GTPBP4: variants seen among roughly 807,000 people sequenced by gnomAD.
GTPBP4 encodes GTP-binding protein 4.
A neutral mutation model predicts 81.7 loss-of-function variants in GTPBP4; 15 were observed. That is an observed-to-expected ratio of 0.18 (90% CI 0.12 to 0.28). The LOEUF (loss-of-function observed/expected upper bound fraction) is 0.28, where lower values mean the gene tolerates loss of function less well. Ranked by LOEUF, GTPBP4 falls within the 10% of genes least tolerant of loss-of-function variation. The pLI is 1.00. For synonymous variants in GTPBP4, 272 were observed against 274.6 expected, an observed-to-expected ratio of 0.99 and a Z score of 0.09; for missense variants, 847 against 793.8, an observed-to-expected ratio of 1.07 and a Z score of -0.81.
At chr10:1,011,488 A>AGCTCTCTGGG (rs1306519107) in intron 13 of GTPBP4, among the ~76,000 whole-genome samples, 3 of 150,564 alleles carry the variant, frequency 2.0e-5, no homozygotes, top group East Asian at 1.9e-4. Context: ...AGCTCTCTGG[A>AGCTCTCTGGG]ACATGCTTTT....
chr10:1,012,407 A>G (rs1589031634), intron 13 of GTPBP4, 58 bp from the exon 14 acceptor site: 1 of 1,207,300 alleles, frequency 8.3e-7, no homozygotes, highest in East Asian at 2.4e-5. Flanking sequence ...TGCCACACTC[A>G]CTGACTCAGG....
At chr10:1,002,865 A>C (rs1241671607) in intron 8 of GTPBP4, among the ~76,000 whole-genome samples, 1 of 152,132 alleles carries the variant, frequency 6.6e-6, no homozygotes, top group Non-Finnish European at 1.5e-5. Context: ...GACTTTTGAC[A>C]GTTTGACTAT....
At chr10:1,012,258 G>A in intron 13 of GTPBP4, 1 of 410,350 alleles carries the variant, frequency 2.4e-6, no homozygotes. Context: ...CTTGCTGGCG[G>A]CTGGCGTTCA....
rs533828841 is a variant in GTPBP4, at chr10:1,010,841, C to T, written c.1344+321C>T. On this transcript the variant is annotated intron_variant, in intron 13 of 16. Transcript: ENST00000360803. ...TGCCTCCTGCACCTCTTCCCTGTCCCGACACTGGTGGAGATGCTGGGCCCC... is the reference window on the plus strand; with the variant it reads ...TGCCTCCTGCACCTCTTCCCTGTCCTGACACTGGTGGAGATGCTGGGCCCC... Among the ~76,000 whole-genome samples, 380 of 45,148 alleles carry T rather than the reference C, an allele frequency of 8.4e-3. 21 individuals are homozygous for T. Among genetic ancestry groups the T allele is most frequent in the African/African-American group, 0.035 (359 of 10,246 alleles). The allele number at this position is 45,148 out of a possible 152,430, so 29.6% of individuals were successfully genotyped here.
rs200647626 is a variant in GTPBP4, at chr10:1,005,823, A to G, written c.918A>G (p.Ile306Met). ...IAELSEDDQK[I>M]FTDLQSEGFP... is the part of the protein sequence containing the mutation. ...TTTTTTCTTTGCATTCCCAGAAAAT[A>G]TTTACAGATTTGCAGTCTGAAGGAT... Residue 306 changes from isoleucine to methionine, a missense_variant, in exon 9 of 17, where the codon ATA (isoleucine) becomes ATG (methionine). Ile to Met is a conservative substitution (Grantham distance 10). Transcript: ENST00000360803. 166 of 1,572,188 alleles carry G rather than the reference A, an allele frequency of 1.1e-4. No homozygotes were observed. Among genetic ancestry groups the G allele is most frequent in the Admixed American group, 1.0e-4 (6 of 59,886 alleles).
chr10:999,546 A>G (rs575609255), intron 6 of GTPBP4, among the ~76,000 whole-genome samples: 4 of 152,378 alleles, frequency 2.6e-5, no homozygotes, highest in African/African-American at 9.6e-5. Flanking sequence ...TGTCTCTGAT[A>G]TAATTCAGGG....
intron 1 of GTPBP4, among the ~76,000 whole-genome samples, chr10:989,142 CAT>C (rs1349767977): frequency 1.0e-5 from 1 of 96,468 alleles, no homozygotes; most frequent in East Asian, 3.2e-4. Flanking sequence ...TTTTTTGAGA[CAT>C]AGTTTTTCGC....
intron 16 of GTPBP4, among the ~76,000 whole-genome samples, 190 bp downstream of exon 16, chr10:1,016,086 C>T (rs911536389): frequency 1.5e-4 from 23 of 152,208 alleles, no homozygotes; most frequent in African/African-American, 5.3e-4. Flanking sequence ...CCCCTGACAG[C>T]TGCCCTGGAT....
intron 1 of GTPBP4, among the ~76,000 whole-genome samples, chr10:990,550 G>A (rs538332500): frequency 3.4e-4 from 52 of 151,544 alleles, no homozygotes; most frequent in Non-Finnish European, 6.6e-4. Context: ...GTGAAACCCC[G>A]TCTCTACTAA....
At position 1,019,799 on chromosome 10, in the gene GTPBP4, A is replaced by G; in HGVS notation, c.*2572A>G. 6.2e-7 allele frequency: 1 copy of G among 1,614,078 alleles called. No homozygotes were observed. The highest frequency in any genetic ancestry group is 8.5e-7 in the Non-Finnish European group (1 of 1,179,978). On this transcript the variant is annotated 3_prime_UTR_variant, in exon 17 of 17. Coordinates refer to ENST00000360803, the MANE Select transcript of GTPBP4 (RefSeq NM_012341.3). The stretch of plus-strand genomic sequence containing the variant: ...TTCTGTCTGATTTTGCCTTGTGGTG[A>G]TAGATTGTCATGAACACAATGTCCT...
chr10:1,010,452 C>T lies in GTPBP4; in HGVS notation c.1276C>T (p.His426Tyr). ...YWDLMNLSEK[H>Y]DKIPEIWEGH... ...GGATTTAATGAATTTGTCTGAAAAACATGATAAGATACCAGAAATCTGGGA... is the reference window on the plus strand; with the variant it reads ...GGATTTAATGAATTTGTCTGAAAAATATGATAAGATACCAGAAATCTGGGA... Residue 426 changes from histidine to tyrosine, a missense_variant, in exon 13 of 17, where the codon CAT (histidine) becomes TAT (tyrosine). Coordinates refer to ENST00000360803, the MANE Select transcript of GTPBP4 (RefSeq NM_012341.3). 1.3e-6 allele frequency: 2 copies of T among 1,579,188 alleles called. No homozygotes were observed. The highest frequency in any genetic ancestry group is 2.2e-5 in the East Asian group (1 of 44,726).
At chr10:1,010,122 C>CA (rs1589030078) in intron 12 of GTPBP4, among the ~76,000 whole-genome samples, 1 of 124,974 alleles carries the variant, frequency 8.0e-6, no homozygotes, top group African/African-American at 2.6e-5. Flanking sequence ...TGTGTTGTTT[C>CA]CTGTTGTTTT....
intron 1 of GTPBP4, among the ~76,000 whole-genome samples, chr10:991,689 C>CTTTTTTTTTTTTTT: frequency 1.3e-5 from 1 of 74,818 alleles, no homozygotes; most frequent in Non-Finnish European, 2.4e-5. Flanking sequence ...TAAAATTTAT[C>CTTTTTTTTTTTTTT]TTTTTTTTTT....
intron 5 of GTPBP4, 102 bp from the exon 6 acceptor site, chr10:998,901 T>C (rs1831578339): frequency 1.4e-6 from 1 of 732,368 alleles, no homozygotes; most frequent in South Asian, 1.5e-5. Flanking sequence ...TGAGGTTTCT[T>C]CTATGGTTAT....
At chr10:1,006,882 G>T in intron 9 of GTPBP4, 136 bp from the exon 10 acceptor site, 1 of 630,926 alleles carries the variant, frequency 1.6e-6, no homozygotes, top group Non-Finnish European at 2.9e-6. Context: ...GGGCCTCAGA[G>T]AATGTGGCCC....
At position 1,007,266 on chromosome 10, in the gene GTPBP4, T is replaced by G. The variant is rs914327073; in HGVS notation, c.1113+138T>G. 4.0e-5 allele frequency: 24 copies of G among 605,792 alleles called. No homozygotes were observed. The Middle Eastern group carries it at 1.3e-3, about 33-fold the overall frequency. The allele number at this position is 605,792 out of a possible 1,614,324, so 37.5% of individuals were successfully genotyped here. On this transcript the variant is annotated intron_variant, in intron 10 of 16. Coordinates refer to ENST00000360803, the MANE Select transcript of GTPBP4 (RefSeq NM_012341.3). ...TGGGTGGGCCTCAGTTTCACCTTCT[T>G]GCTTACATAAAGGATCGAGAAGGTG...
intron 1 of GTPBP4, among the ~76,000 whole-genome samples, chr10:992,039 T>C (rs1184531616): frequency 1.3e-5 from 2 of 151,556 alleles, no homozygotes; most frequent in Non-Finnish European, 2.9e-5. Context: ...TGAACAAGGT[T>C]GTACATGAAA....
Position 1,019,403 on chromosome 10 carries a change from G to T in GTPBP4, c.*2176G>T, listed in dbSNP as rs576714741. ...GTTGAAATAGTGATTTATACATGAT[G>T]GGCAATCAAGTGCCCCTTTTGCCCT... On this transcript the variant is annotated 3_prime_UTR_variant, in exon 17 of 17. Transcript: ENST00000360803. The T allele has an allele frequency of 7.3e-6, 5 of 689,342 alleles. No homozygotes were observed. The highest frequency in any genetic ancestry group is 5.9e-5 in the Admixed American group (2 of 33,850). The allele number at this position is 689,342 out of a possible 1,614,324, so 42.7% of individuals were successfully genotyped here. A position where few individuals can be genotyped will look rare whatever the true frequency, so the allele number is the denominator to read the frequency against.
chr10:1,000,480 A>G (rs1050508008), intron 6 of GTPBP4, among the ~76,000 whole-genome samples, 197 bp from the exon 7 acceptor site: 25 of 148,092 alleles, frequency 1.7e-4, no homozygotes, highest in African/African-American at 5.5e-4. Context: ...CTCGTGATCC[A>G]CCCGCCTCGG....
Sources: gnomAD v4.1 joint callset for allele counts (sites outside exome capture counted in the v4.1 genomes callset) on GRCh38, gnomAD v4.1.1 for gene constraint, MANE v1.5 for transcripts, NCBI Gene and HGNC (gene_info 2026-07-23, HGNC 2026-07-21) for gene names.